Variants in SERPINB7 observed in about 807,000 individuals in gnomAD.
The protein encoded by SERPINB7 is serpin B7.
In SERPINB7, 31 loss-of-function variants were observed where a neutral mutation model predicts 37.4. The observed-to-expected ratio is 0.83, with a 90% CI of 0.62 to 1.12. The LOEUF is 1.12. Ranked by LOEUF, SERPINB7 falls within the 50% of genes most tolerant of loss-of-function variation. SERPINB7 has a pLI of 0.00. For synonymous variants in SERPINB7, 163 were observed against 166.1 expected (o/e 0.98, Z 0.14); for missense variants, 521 against 455.3 (o/e 1.14, Z -1.31).
chr18:63,803,071 C>T (rs1197466214), intron 7 of SERPINB7, among the ~76,000 whole-genome samples: 2 of 152,136 alleles, frequency 1.3e-5, no homozygotes, highest in African/African-American at 2.4e-5. Flanking sequence ...AGCAAGCTAA[C>T]AATATAGTTT....
chr18:63,786,932 G>A (rs768241227), intron 2 of SERPINB7, among the ~76,000 whole-genome samples: 1 of 152,016 alleles, frequency 6.6e-6, no homozygotes, highest in African/African-American at 2.4e-5. Flanking sequence ...TAAAATGCCT[G>A]GGACCAAGTG....
At chr18:63,770,621 G>A (rs2049204985), upstream of SERPINB7, among the ~76,000 whole-genome samples, 2 of 151,940 alleles carry the variant, frequency 1.3e-5, no homozygotes, top group South Asian at 4.2e-4. Flanking sequence ...TTCTGCTGTT[G>A]TTGATAGTAA....
intron 1 of SERPINB7, among the ~76,000 whole-genome samples, chr18:63,755,946 T>C (rs2049119424): frequency 6.6e-6 from 1 of 151,992 alleles, no homozygotes; most frequent in Non-Finnish European, 1.5e-5. Flanking sequence ...ATTTTGTGAA[T>C]AAAAAGTATA....
upstream of SERPINB7, chr18:63,775,235 C>G (rs2049236330): frequency 6.6e-6 from 1 of 152,120 alleles, no homozygotes. Context: ...TTATAAGAAA[C>G]AGAGATGGGA....
intron 1 of SERPINB7, among the ~76,000 whole-genome samples, chr18:63,762,119 G>A (rs957080034): frequency 6.6e-6 from 1 of 152,194 alleles, no homozygotes; most frequent in African/African-American, 2.4e-5. Context: ...TGGGACCATG[G>A]AGGGCAAGAA....
rs550758775 is a variant in SERPINB7, at chr18:63,787,403, A to G, written c.168+4863A>G. Reference sequence around the variant, plus strand: ...ATATCAGAAAATCAACCAAATTCATATCAAAAGAGAGTAATATTAGTAATG... The same window carrying G: ...ATATCAGAAAATCAACCAAATTCATGTCAAAAGAGAGTAATATTAGTAATG... On this transcript the variant is annotated intron_variant, in intron 2 of 7. Coordinates refer to ENST00000398019, the MANE Select transcript of SERPINB7 (RefSeq NM_003784.4). Among the ~76,000 whole-genome samples the G allele has an allele frequency of 2.0e-4, 30 of 152,308 alleles. 1 individual carries two copies. Among genetic ancestry groups the G allele is most frequent in the Admixed American group, 1.6e-3 (24 of 15,298 alleles).
chr18:63,790,244 A>G (rs2049412676), intron 2 of SERPINB7, among the ~76,000 whole-genome samples: 1 of 152,232 alleles, frequency 6.6e-6, no homozygotes, highest in African/African-American at 2.4e-5. Flanking sequence ...CCCAAATTAA[A>G]CACATTTTAA....
chr18:63,796,150 T>C lies in SERPINB7; in HGVS notation c.337-116T>C, dbSNP rs566197637. 8 of 583,490 alleles carry C rather than the reference T, an allele frequency of 1.4e-5. No homozygotes were observed. The South Asian group carries it at 1.8e-4, about 13-fold the overall frequency. 36.1% of individuals were successfully genotyped at this position (583,490 alleles called of 1,614,324 possible). ...ATCCCTATATTTACATACTCATTTT[T>C]GAGGCAGAGTTGAACCTTTGAATAA... is the stretch of plus-strand genomic sequence containing the variant. On this transcript the variant is annotated intron_variant, in intron 4 of 7. Transcript: ENST00000398019.
At chr18:63,766,498 G>A (rs2049181318) in intron 1 of SERPINB7, among the ~76,000 whole-genome samples, 1 of 152,120 alleles carries the variant, frequency 6.6e-6, no homozygotes, top group Admixed American at 6.5e-5. Flanking sequence ...AAAACTTACT[G>A]AGAATCGTGG....
chr18:63,804,557 T>C lies in SERPINB7; in HGVS notation c.1065T>C (p.Phe355=), dbSNP rs2049587541. 6.2e-7 allele frequency: 1 copy of C among 1,613,856 alleles called. No homozygotes were observed. Among genetic ancestry groups the C allele is most frequent in the African/African-American group, 1.3e-5 (1 of 75,034 alleles). The change falls in exon 8 of 8, where the codon TTT becomes TTC. Residue 355 remains phenylalanine (F), a synonymous_variant. Coordinates refer to ENST00000398019, the MANE Select transcript of SERPINB7 (RefSeq NM_003784.4). ...VEKQLPQSTL[F]RADHPFLFVI... is the part of the protein sequence containing the mutation. ...AGCAACTCCCTCAGTCCACGCTGTTTAGAGCTGACCACCCATTCCTATTTG... is the reference window on the plus strand; with the variant it reads ...AGCAACTCCCTCAGTCCACGCTGTTCAGAGCTGACCACCCATTCCTATTTG...
intron 5 of SERPINB7, among the ~76,000 whole-genome samples, chr18:63,797,812 C>A (rs147903642): frequency 5.3e-5 from 8 of 152,308 alleles, no homozygotes; most frequent in Non-Finnish European, 1.2e-4. Flanking sequence ...ATTCAAGCCT[C>A]TTCATTATCA....
chr18:63,797,996 G>T (rs1349223850), intron 5 of SERPINB7, among the ~76,000 whole-genome samples: 1 of 152,196 alleles, frequency 6.6e-6, no homozygotes, highest in Admixed American at 6.5e-5. Context: ...TTTAATCTGT[G>T]CTCCCACAGT....
intron 2 of SERPINB7, among the ~76,000 whole-genome samples, chr18:63,788,217 T>C (rs1568210289): frequency 6.6e-6 from 1 of 152,222 alleles, no homozygotes; most frequent in Non-Finnish European, 1.5e-5. Flanking sequence ...TAGGATATGA[T>C]GGTGCCATGC....
upstream of SERPINB7, among the ~76,000 whole-genome samples, chr18:63,772,189 G>A (rs1461527566): frequency 6.6e-6 from 1 of 151,986 alleles, no homozygotes; most frequent in East Asian, 1.9e-4. Context: ...TAAAATGGGA[G>A]ACTTCAACTT....
rs1283655213 is a variant in SERPINB7, at chr18:63,804,476, G to A, written c.984G>A (p.Glu328=). ...GGATGATGCACAAATCTTACATAGA[G>A]GTCACTGAGGAGGGCACCGAGGCTA... is the stretch of plus-strand genomic sequence containing the variant. ...ISRMMHKSYI[E]VTEEGTEATA... The change falls in exon 8 of 8, where the codon GAG becomes GAA. Residue 328 remains glutamate (E), a synonymous_variant. Coordinates refer to ENST00000398019, the MANE Select transcript of SERPINB7 (RefSeq NM_003784.4). The A allele has an allele frequency of 1.2e-6, 2 of 1,613,624 alleles. No individual in the cohort carries two copies. Among genetic ancestry groups the A allele is most frequent in the East Asian group, 2.2e-5 (1 of 44,872 alleles).
chr18:63,785,398 T>C (rs558329697), intron 2 of SERPINB7, among the ~76,000 whole-genome samples: 2 of 152,324 alleles, frequency 1.3e-5, no homozygotes, highest in East Asian at 3.9e-4. Context: ...TAGATATCTC[T>C]TTAACCCAAT....
At chr18:63,757,840 G>A (rs547477270) in intron 1 of SERPINB7, among the ~76,000 whole-genome samples, 1 of 152,288 alleles carries the variant, frequency 6.6e-6, no homozygotes, top group African/African-American at 2.4e-5. Flanking sequence ...TAATAGCAGA[G>A]CACCCCTTCA....
At chr18:63,791,774 C>A (rs895038431) in intron 2 of SERPINB7, among the ~76,000 whole-genome samples, 2 of 142,136 alleles carry the variant, frequency 1.4e-5, no homozygotes, top group African/African-American at 2.6e-5. Context: ...CCACAACCAG[C>A]TAATTTTTTG....
chr18:63,778,444 C>A (rs886975395), intron 1 of SERPINB7, among the ~76,000 whole-genome samples: 1 of 151,790 alleles, frequency 6.6e-6, no homozygotes, highest in East Asian at 1.9e-4. Context: ...AATATAAAAG[C>A]TTTTTTAAAA....
Sources: gnomAD v4.1 joint callset for allele counts (sites outside exome capture counted in the v4.1 genomes callset) on GRCh38, gnomAD v4.1.1 for gene constraint, MANE v1.5 for transcripts, NCBI Gene and HGNC (gene_info 2026-07-23, HGNC 2026-07-21) for gene names.